The following ZHX2 variants were observed in gnomAD, a reference collection of about 807,000 sequenced individuals.
ZHX2 encodes the protein zinc fingers and homeoboxes 2, also known as zinc fingers and homeoboxes protein 2.
A neutral mutation model predicts 21.9 loss-of-function variants in ZHX2; 6 were observed. That is an observed-to-expected ratio of 0.27 (90% CI 0.15 to 0.54). ZHX2 has a LOEUF of 0.54. Ranked by LOEUF, ZHX2 falls within the 20% of genes least tolerant of loss-of-function variation. The pLI is 0.95. For synonymous variants in ZHX2, 434 were observed against 437.1 expected (o/e 0.99, Z 0.09); for missense variants, 908 against 1,090.7 (o/e 0.83, Z 2.36).
intron 3 of ZHX2, among the ~76,000 whole-genome samples, chr8:122,966,828 C>A (rs1371687979): frequency 6.6e-6 from 1 of 152,154 alleles, no homozygotes; most frequent in African/African-American, 2.4e-5. Context: ...TCCCAAATTT[C>A]TTGGAGGCTT....
intron 1 of ZHX2, among the ~76,000 whole-genome samples, chr8:122,803,284 C>T (rs931383558): frequency 3.3e-5 from 5 of 152,164 alleles, no homozygotes; most frequent in African/African-American, 4.8e-5. Context: ...CGTTAAGGAC[C>T]GTGATGGTGG....
chr8:122,945,462 A>AAAAAAAAAAAG (rs1563597421), intron 2 of ZHX2, among the ~76,000 whole-genome samples: 1 of 142,414 alleles, frequency 7.0e-6, no homozygotes, highest in African/African-American at 2.6e-5. Context: ...AAAAAAAAAA[A>AAAAAAAAAAAG]AGGCATGTAT....
At chr8:122,862,606 GGTAAGTACTCA>G (rs1289293468) in intron 1 of ZHX2, among the ~76,000 whole-genome samples, 1 of 152,146 alleles carries the variant, frequency 6.6e-6, no homozygotes, top group Non-Finnish European at 1.5e-5. Flanking sequence ...CCTGGCGCGT[GGTAAGTACTCA>G]GTCAACAGAT....
At chr8:122,944,356 G>A (rs563145816) in intron 2 of ZHX2, among the ~76,000 whole-genome samples, 1 of 152,184 alleles carries the variant, frequency 6.6e-6, no homozygotes, top group East Asian at 1.9e-4. Context: ...ATTAATAGTA[G>A]CTATTACCAT....
chr8:122,868,679 T>G (rs1273406084), intron 2 of ZHX2, among the ~76,000 whole-genome samples: 1 of 116,928 alleles, frequency 8.6e-6, no homozygotes, highest in Non-Finnish European at 1.7e-5. Context: ...CCAGCCTGGG[T>G]GGCAGAGCAA....
intron 2 of ZHX2, among the ~76,000 whole-genome samples, chr8:122,906,183 T>C (rs1033773492): frequency 2.0e-5 from 3 of 152,236 alleles, no homozygotes; most frequent in African/African-American, 7.2e-5. Flanking sequence ...CTCTAATAGC[T>C]ATTTTTTTGA....
intron 3 of ZHX2, among the ~76,000 whole-genome samples, chr8:122,966,578 T>G (rs756450652): frequency 3.9e-5 from 6 of 152,304 alleles, no homozygotes; most frequent in Non-Finnish European, 7.4e-5. Flanking sequence ...GCCTCACAGG[T>G]CTTAAGATTC....
At chr8:122,830,676 A>C (rs936678351) in intron 1 of ZHX2, among the ~76,000 whole-genome samples, 1 of 152,198 alleles carries the variant, frequency 6.6e-6, no homozygotes, top group Non-Finnish European at 1.5e-5. Flanking sequence ...AGGTGTCGAC[A>C]GGGAGAAGCA....
intron 3 of ZHX2, 56 bp from the exon 4 acceptor site, chr8:122,973,186 C>G (rs1162448010): frequency 6.6e-6 from 1 of 152,268 alleles, no homozygotes; most frequent in Non-Finnish European, 1.5e-5. Context: ...GCCTTCCCCC[C>G]AGGGAACAAT....
intron 2 of ZHX2, among the ~76,000 whole-genome samples, chr8:122,925,445 C>A (rs1417690476): frequency 1.3e-5 from 2 of 151,970 alleles, no homozygotes; most frequent in African/African-American, 4.8e-5. Context: ...AGCTCTTGAC[C>A]CACTAGGGGC....
At chr8:122,867,046 G>A (rs1397165573) in intron 2 of ZHX2, among the ~76,000 whole-genome samples, 5 of 150,924 alleles carry the variant, frequency 3.3e-5, no homozygotes, top group Admixed American at 1.3e-4. Context: ...TTGGCCAGGC[G>A]GGTCTCGAAC....
chr8:122,826,936 T>C (rs1478995877), intron 1 of ZHX2, among the ~76,000 whole-genome samples: 1 of 152,146 alleles, frequency 6.6e-6, no homozygotes, highest in East Asian at 1.9e-4. Flanking sequence ...GTTAAGAGTT[T>C]TAGGTTGAAC....
At chr8:122,855,693 G>A (rs1025952217) in intron 1 of ZHX2, among the ~76,000 whole-genome samples, 1 of 152,058 alleles carries the variant, frequency 6.6e-6, no homozygotes, top group South Asian at 2.1e-4. Flanking sequence ...TCATTTATGA[G>A]TATAAAGTGG....
At position 122,952,029 on chromosome 8, in the gene ZHX2, T is replaced by C. The variant is rs1303980107; in HGVS notation, c.519T>C (p.Gly173=). The change falls in exon 3 of 4, where the codon GGT becomes GGC. Residue 173 remains glycine, a synonymous_variant. Coordinates refer to ENST00000314393, the MANE Select transcript of ZHX2 (RefSeq NM_014943.5). The surrounding 1 kb of genome is among the most constrained non-coding windows in gnomAD (Gnocchi z 6.9). The part of the protein sequence containing the change: ...VSITTSGPGT[G]DSDSGISVSK... ...TCACCACCAGTGGCCCTGGAACTGG[T>C]GACAGTGATTCTGGGATCTCGGTGA... is the stretch of plus-strand genomic sequence containing the variant. 12 of 1,613,194 alleles carry C rather than the reference T, an allele frequency of 7.4e-6. No homozygotes were observed. The highest frequency in any genetic ancestry group is 1.7e-5 in the Admixed American group (1 of 59,938).
intron 2 of ZHX2, among the ~76,000 whole-genome samples, chr8:122,874,710 C>G (rs1194288680): frequency 6.6e-6 from 1 of 152,084 alleles, no homozygotes; most frequent in African/African-American, 2.4e-5. Context: ...ACCTAAAAGT[C>G]AGTTATCTCC....
intron 2 of ZHX2, among the ~76,000 whole-genome samples, chr8:122,921,648 AAGAGAG>A (rs376224475): frequency 5.4e-5 from 8 of 149,324 alleles, no homozygotes; most frequent in Admixed American, 1.3e-4. Flanking sequence ...CCCATCAAGA[AAGAGAG>A]AGAGAGAGAG....
intron 2 of ZHX2, among the ~76,000 whole-genome samples, chr8:122,946,807 C>T (rs187266349): frequency 1.4e-4 from 21 of 152,220 alleles, no homozygotes. Context: ...TGTAGAGTCT[C>T]CCTTCCCTTA....
chr8:122,900,685 G>T (rs1245961111), intron 2 of ZHX2, among the ~76,000 whole-genome samples: 1 of 152,182 alleles, frequency 6.6e-6, no homozygotes, highest in African/African-American at 2.4e-5. Flanking sequence ...GTTTTCCAAA[G>T]TTCATAAATG....
chr8:122,876,050 TCCATCCACCTAC>T (rs1819563842), intron 2 of ZHX2, among the ~76,000 whole-genome samples: 1 of 149,916 alleles, frequency 6.7e-6, no homozygotes, highest in Admixed American at 6.6e-5. Flanking sequence ...CACCCATCCA[TCCATCCACCTAC>T]CCATCCACCC....
Sources: allele counts gnomAD v4.1 joint callset (sites outside exome capture counted in the v4.1 genomes callset), GRCh38; gene constraint gnomAD v4.1.1; non-coding constraint Gnocchi (gnomAD v3.1); transcripts MANE v1.5; gene names NCBI Gene and HGNC (gene_info 2026-07-23, HGNC 2026-07-21).